The following C13orf46 variants were observed in gnomAD, a reference collection of about 807,000 sequenced individuals.
C13orf46 encodes the protein uncharacterized protein C13orf46.
At chr13:113,935,184 G>A in the C13orf46 span, among the ~76,000 whole-genome samples, 2 of 152,214 alleles carry the variant, frequency 1.3e-5, no homozygotes, top group South Asian at 2.1e-4. Flanking sequence ...CCGCCTTCCT[G>A]AGGCCTCAGC....
At chr13:113,936,202 A>G in the C13orf46 span, among the ~76,000 whole-genome samples, 1 of 152,198 alleles carries the variant, frequency 6.6e-6, no homozygotes, top group African/African-American at 2.4e-5. Flanking sequence ...AGTAACTGCC[A>G]GCGGCTTCTT....
the C13orf46 span, among the ~76,000 whole-genome samples, chr13:113,933,969 G>T: frequency 6.6e-6 from 1 of 152,146 alleles, no homozygotes; most frequent in African/African-American, 2.4e-5. Context: ...TGGAGATTCT[G>T]CGATGTGTGG....
downstream of C13orf46, chr13:113,953,676 C>T (rs1317140906): frequency 6.6e-6 from 1 of 152,278 alleles, no homozygotes; most frequent in Non-Finnish European, 1.5e-5. Context: ...AGGCCAGCCA[C>T]ACGCGGCGAC....
intron 1 of C13orf46, among the ~76,000 whole-genome samples, 160 bp downstream of exon 1, chr13:113,973,648 A>G (rs2052732684): frequency 6.6e-6 from 1 of 152,100 alleles, no homozygotes; most frequent in South Asian, 2.1e-4. Flanking sequence ...CCTTGGACAC[A>G]CGTCGTTGGA....
intron 6 of C13orf46, among the ~76,000 whole-genome samples, chr13:113,963,739 CCCAT>C (rs2052611856): frequency 6.6e-6 from 1 of 152,054 alleles, no homozygotes; most frequent in South Asian, 2.1e-4. Flanking sequence ...GTCAGGTGCT[CCCAT>C]GTGCTTTTAA....
chr13:113,965,549 TGATGGTGATGAC>T (rs1263905522), intron 5 of C13orf46, among the ~76,000 whole-genome samples: 38 of 152,174 alleles, frequency 2.5e-4, no homozygotes, highest in African/African-American at 8.2e-4. Context: ...GTGATAATGT[TGATGGTGATGAC>T]GATGGTGATG....
chr13:113,931,955 C>T, the C13orf46 span, among the ~76,000 whole-genome samples: 1 of 152,184 alleles, frequency 6.6e-6, no homozygotes, highest in East Asian at 1.9e-4. Flanking sequence ...CCCGTCCCTC[C>T]ACCCTCCTGC....
chr13:113,940,128 G>A, the C13orf46 span, among the ~76,000 whole-genome samples: 2 of 152,248 alleles, frequency 1.3e-5, no homozygotes, highest in African/African-American at 2.4e-5. Context: ...AGGGGCGGGG[G>A]CTGCGCCTCG....
At position 113,957,688 on chromosome 13, in the gene C13orf46, TCCA is replaced by T. The variant is rs1254925652; in HGVS notation, c.573-852_573-850del. ...AGCACACTGGGGGTCTCCTCTGCACTCCACATGTACCCCCTTTCATCAAGCACA... is the reference window on the plus strand; with the variant it reads ...AGCACACTGGGGGTCTCCTCTGCACTCATGTACCCCCTTTCATCAAGCACA... On this transcript the variant is annotated intron_variant, in intron 6 of 6. Coordinates refer to ENST00000636427, the MANE Select transcript of C13orf46 (RefSeq NM_001365455.2). 4.4e-3 allele frequency among the ~76,000 whole-genome samples: 542 copies of T among 122,772 alleles called. 15 individuals carry two copies. The highest frequency in any genetic ancestry group is 0.017 in the African/African-American group (513 of 30,426). 80.5% of individuals were successfully genotyped at this position (122,772 alleles called of 152,430 possible).
chr13:113,964,410 TG>T (rs1439981569), intron 6 of C13orf46, among the ~76,000 whole-genome samples: 92 of 152,286 alleles, frequency 6.0e-4, no homozygotes, highest in African/African-American at 2.0e-3. Flanking sequence ...GCATCCAGCC[TG>T]GGGACACGGA....
the C13orf46 span, among the ~76,000 whole-genome samples, chr13:113,930,669 A>C: frequency 6.6e-6 from 1 of 152,216 alleles, no homozygotes; most frequent in African/African-American, 2.4e-5. Flanking sequence ...TCCAGGAGCC[A>C]CCATCCAGAC....
intron 5 of C13orf46, among the ~76,000 whole-genome samples, chr13:113,966,674 AATGATGGTGATATTAATG>A (rs1435852872): frequency 8.6e-5 from 13 of 151,504 alleles, no homozygotes; most frequent in Admixed American, 8.5e-4. Context: ...GTGATGTGAT[AATGATGGTGATATTAATG>A]ATGATGGTGA....
At chr13:113,942,269 C>T in the C13orf46 span, among the ~76,000 whole-genome samples, 14 of 152,362 alleles carry the variant, frequency 9.2e-5, no homozygotes, top group Admixed American at 1.3e-4. Context: ...GGACCCACTG[C>T]TCTTCCCTGC....
chr13:113,964,459 C>A (rs942826244), intron 6 of C13orf46, among the ~76,000 whole-genome samples: 1 of 152,180 alleles, frequency 6.6e-6, no homozygotes, highest in Admixed American at 6.5e-5. Context: ...GGCCCCAGGG[C>A]CCGAGGCTTG....
rs1002193751 is a variant in C13orf46 at position 113,953,762 on chromosome 13, A to G, written c.*3011T>C. 2 of 152,246 alleles carry G rather than the reference A, an allele frequency of 1.3e-5. No homozygotes were observed. The highest frequency in any genetic ancestry group is 6.5e-5 in the Admixed American group (1 of 15,280). 9.4% of individuals were successfully genotyped at this position (152,246 alleles called of 1,614,324 possible). ...GAGGGTGCTGGGAGCCACCCGGCAGAGCTGCCGCCTCCTGCCCCACCAAGG... is the reference window on the plus strand; with the variant it reads ...GAGGGTGCTGGGAGCCACCCGGCAGGGCTGCCGCCTCCTGCCCCACCAAGG... On this transcript the variant is annotated 3_prime_UTR_variant, in exon 7 of 7. Transcript: ENST00000636427.
At chr13:113,949,694 A>C (rs1040020613), downstream of C13orf46, among the ~76,000 whole-genome samples, 1 of 152,222 alleles carries the variant, frequency 6.6e-6, no homozygotes, top group African/African-American at 2.4e-5. Context: ...CTGTGCTCCC[A>C]GCCTCTGCCA....
the C13orf46 span, among the ~76,000 whole-genome samples, chr13:113,933,331 A>G: frequency 6.6e-6 from 1 of 152,246 alleles, no homozygotes; most frequent in African/African-American, 2.4e-5. Context: ...TTGGCCATAA[A>G]TGAGTAGTGG....
downstream of C13orf46, among the ~76,000 whole-genome samples, chr13:113,950,795 C>A (rs1427837861): frequency 6.6e-6 from 1 of 152,208 alleles, no homozygotes; most frequent in Admixed American, 6.5e-5. Flanking sequence ...GAGAGACTCC[C>A]TCCCGCTCCA....
rs1183569075 is a variant in C13orf46 at position 113,956,400 on chromosome 13, G to A, written c.*373C>T. ...GGAGAGGAGGAGCATCTGGTGGAGA[G>A]GAGGAGCATCTGGTGGAGAGGAGGA... On this transcript the variant is annotated 3_prime_UTR_variant, in exon 7 of 7. Coordinates refer to ENST00000636427, the MANE Select transcript of C13orf46 (RefSeq NM_001365455.2). 1 of 148,722 alleles carries A rather than the reference G, an allele frequency of 6.7e-6. No individual in the cohort carries two copies. Among genetic ancestry groups the A allele is most frequent in the Non-Finnish European group, 1.4e-5 (1 of 70,290 alleles). The allele number at this position is 148,722 out of a possible 1,614,324, so 9.2% of individuals were successfully genotyped here. A position where few individuals can be genotyped will look rare whatever the true frequency, so the allele number is the denominator to read the frequency against.
Sources: gnomAD v4.1 joint callset for allele counts (sites outside exome capture counted in the v4.1 genomes callset) on GRCh38, gnomAD v4.1.1 for gene constraint, MANE v1.5 for transcripts, NCBI Gene and HGNC (gene_info 2026-07-23, HGNC 2026-07-21) for gene names.